The following DLAT variants were observed in gnomAD, a reference collection of about 807,000 sequenced individuals.
DLAT encodes dihydrolipoamide S-acetyltransferase.
In DLAT, 43 loss-of-function variants were observed where a neutral mutation model predicts 68.0. The observed-to-expected ratio is 0.63, with a 90% CI of 0.50 to 0.81. DLAT has a LOEUF of 0.81. Among genes scored for constraint, DLAT ranks in the 40% least tolerant of loss-of-function variants. DLAT has a pLI of 0.00. For missense variants in DLAT, 745 were observed against 815.4 expected, an observed-to-expected ratio of 0.91 and a Z score of 1.05; for synonymous variants, 265 against 288.6, an observed-to-expected ratio of 0.92 and a Z score of 0.83.
At chr11:112,048,501 A>G (rs781990255) in intron 10 of DLAT, among the ~76,000 whole-genome samples, 10 of 152,222 alleles carry the variant, frequency 6.6e-5, no homozygotes, top group Middle Eastern at 3.4e-3. Context: ...TTCCAATACT[A>G]TGCTGAATAG....
rs781873805 is a variant in DLAT, at chr11:112,026,234, G to C, written c.316G>C (p.Gly106Arg). The C allele has an allele frequency of 1.9e-6, 3 of 1,612,154 alleles. No individual in the cohort carries two copies. The highest frequency in any genetic ancestry group is 2.2e-5 in the South Asian group (2 of 90,764). Reference sequence around the variant, plus strand: ...TTCTCTTTCCCCCACAATGCAGGCAGGCACCATAGCCCGTTGGGAAAAAAA... The same window carrying C: ...TTCTCTTTCCCCCACAATGCAGGCACGCACCATAGCCCGTTGGGAAAAAAA... ...LPSLSPTMQA[G>R]TIARWEKKEG... Residue 106 changes from glycine to arginine, a missense_variant, in exon 2 of 14, where the codon GGC (glycine) becomes CGC (arginine). Physicochemically the swap from Gly to Arg is moderately radical, Grantham distance 125. Coordinates refer to ENST00000280346, the MANE Select transcript of DLAT (RefSeq NM_001931.5).
Position 112,033,429 on chromosome 11 carries a change from C to T in DLAT, c.686C>T (p.Thr229Ile), listed in dbSNP as rs782299982. 6.8e-6 allele frequency: 11 copies of T among 1,613,860 alleles called. No individual in the cohort carries two copies. In the South Asian group the frequency reaches 1.2e-4, roughly 18 times the overall value. The change falls in exon 5 of 14, where the codon ACC becomes ATC. Residue 229 changes from threonine (T) to isoleucine (I), a missense_variant. By Grantham distance (89) the Thr-to-Ile change is moderately conservative (BLOSUM62 -1). Transcript: ENST00000280346. ...MQVLLPALSP[T>I]MTMGTVQRWE... The stretch of plus-strand genomic sequence containing the variant: ...GTACTTCTTCCTGCCCTCTCTCCCA[C>T]CATGACCATGGGCACAGTTCAGAGA...
intron 13 of DLAT, chr11:112,061,412 C>T: frequency 2.0e-6 from 1 of 500,302 alleles, no homozygotes; most frequent in Non-Finnish European, 3.6e-6. Context: ...TCACATGGAT[C>T]CAGTGTAGTG....
chr11:112,040,142 GA>G (rs1337813610), intron 7 of DLAT, among the ~76,000 whole-genome samples: 1 of 152,122 alleles, frequency 6.6e-6, no homozygotes, highest in African/African-American at 2.4e-5. Context: ...CATTCATATT[GA>G]TATTACTGCC....
In DLAT at chr11:112,045,733, T is replaced by C. The variant is rs374494492; in HGVS notation, c.1291-130T>C. 5.4e-5 allele frequency: 35 copies of C among 648,122 alleles called. No homozygotes were observed. The African/African-American group carries it at 5.7e-4, about 11-fold the overall frequency. 40.1% of individuals were successfully genotyped at this position (648,122 alleles called of 1,614,324 possible). On this transcript the variant is annotated intron_variant, in intron 9 of 13. Transcript: ENST00000280346. ...GAGGTGTTATATTATGGCGGAGTCCTCCATCTTTCAATTATAATAATGCTT... is the reference window on the plus strand; with the variant it reads ...GAGGTGTTATATTATGGCGGAGTCCCCCATCTTTCAATTATAATAATGCTT...
In DLAT at chr11:112,048,969, A is replaced by ATTT. The variant is rs34651095; in HGVS notation, c.1399-2240_1399-2238dup. On this transcript the variant is annotated intron_variant, in intron 10 of 13. Transcript: ENST00000280346. ...GTCATCTTTGTTCTTTTTTCTCAAG[A>ATTT]TTTTTTTTTTTTTTTTTTTTTTTTT... Among the ~76,000 whole-genome samples, 25 of 93,670 alleles carry ATTT rather than the reference A, an allele frequency of 2.7e-4. No homozygotes were observed. The South Asian group carries it at 9.3e-3, about 35-fold the overall frequency. 61.5% of individuals were successfully genotyped at this position (93,670 alleles called of 152,430 possible).
chr11:112,048,629 G>A (rs782094079), intron 10 of DLAT, among the ~76,000 whole-genome samples: 12 of 152,050 alleles, frequency 7.9e-5, no homozygotes, highest in Non-Finnish European at 4.4e-5. Flanking sequence ...CACCTTCCAG[G>A]TTCAAGCAAT....
rs782632175 is a variant in DLAT, at chr11:112,051,312, G to A, written c.1477G>A (p.Glu493Lys). The A allele has an allele frequency of 1.2e-5, 20 of 1,613,488 alleles. No homozygotes were observed. The highest frequency in any genetic ancestry group is 1.7e-5 in the Admixed American group (1 of 59,988). Residue 493 changes from glutamate to lysine, a missense_variant, in exon 11 of 14, where the codon GAA becomes AAA. Transcript: ENST00000280346. The surrounding 1 kb of genome is among the most constrained non-coding windows in gnomAD (Gnocchi z 4.3). The stretch of plus-strand genomic sequence containing the variant: ...AGCTTTGGCATGTTTAAAAGTTCCC[G>A]AAGCAAATTCTTCTTGGATGGACAC... Reference protein sequence around the residue: ...ASALACLKVPEANSSWMDTVI... With the variant: ...ASALACLKVPKANSSWMDTVI...
intron 5 of DLAT, 120 bp from the exon 6 acceptor site, chr11:112,037,153 G>A: frequency 1.1e-6 from 1 of 873,770 alleles, no homozygotes; most frequent in Non-Finnish European, 1.9e-6. Context: ...TAAATAGGTT[G>A]CAAAAAAGGC....
Position 112,064,224 on chromosome 11 carries a change from T to C in DLAT, c.*1689T>C, listed in dbSNP as rs1864813238. The C allele has an allele frequency of 2.6e-6, 4 of 1,556,584 alleles. No homozygotes were observed. The highest frequency in any genetic ancestry group is 3.5e-6 in the Non-Finnish European group (4 of 1,153,904). The stretch of plus-strand genomic sequence containing the variant: ...AATGCTTGTGGTTCTGTTGTTCCCT[T>C]GAAAAAAAATAAAAACAGTTGCCTT... On this transcript the variant is annotated 3_prime_UTR_variant, in exon 14 of 14. Transcript: ENST00000280346.
Position 112,025,521 on chromosome 11 carries a change from G to A in DLAT, c.49G>A (p.Gly17Arg). 6.2e-7 allele frequency: 1 copy of A among 1,614,020 alleles called. No individual in the cohort carries two copies. The highest frequency in any genetic ancestry group is 1.3e-5 in the African/African-American group (1 of 75,050). The part of the protein sequence containing the change: ...RRAQNVAPWA[G>R]LEARWTALQE... ...GGCTCAGAATGTAGCCCCATGGGCG[G>A]GACTCGAGGCTCGGTGGACGGCCTT... Residue 17 changes from glycine to arginine, a missense_variant, in exon 1 of 14, where the codon GGA becomes AGA. Coordinates refer to ENST00000280346, the MANE Select transcript of DLAT (RefSeq NM_001931.5).
intron 2 of DLAT, among the ~76,000 whole-genome samples, chr11:112,027,933 C>CCGTGG (rs1239632429): frequency 6.8e-6 from 1 of 147,812 alleles, no homozygotes; most frequent in African/African-American, 2.5e-5. Context: ...GAGAGGGAGA[C>CCGTGG]GGAGAGGGAG....
intron 9 of DLAT, 127 bp downstream of exon 9, chr11:112,045,357 G>T (rs1488308793): frequency 4.7e-6 from 4 of 846,762 alleles, no homozygotes; most frequent in Non-Finnish European, 7.8e-6. Flanking sequence ...TTACTTTAAG[G>T]GAAGTTTTGG....
chr11:112,030,252 G>A, intron 4 of DLAT: 1 of 573,476 alleles, frequency 1.7e-6, no homozygotes, highest in East Asian at 4.6e-5. Context: ...GTTCTCGGTC[G>A]TCTTAGGCAC....
chr11:112,059,879 A>G lies in DLAT; in HGVS notation c.1515-24A>G, dbSNP rs781864107. ...GGCTCTTAATAAACAGTTTTTTATT[A>G]TATTTATTTTTCTTTTTAAACAGAA... On this transcript the variant is annotated intron_variant, in intron 11 of 13. Coordinates refer to ENST00000280346, the MANE Select transcript of DLAT (RefSeq NM_001931.5). 4.5e-6 allele frequency: 7 copies of G among 1,542,862 alleles called. No individual in the cohort carries two copies. The East Asian group carries it at 1.5e-4, about 33-fold the overall frequency.
intron 4 of DLAT, 37 bp downstream of exon 4, chr11:112,028,982 T>A: frequency 6.2e-7 from 1 of 1,612,372 alleles, no homozygotes; most frequent in South Asian, 1.1e-5. Context: ...TCTAGGTGAT[T>A]ACTTACTTAC....
At position 112,025,481 on chromosome 11, in the gene DLAT, C is replaced by T. The variant is rs782794450; in HGVS notation, c.9C>T (p.Arg3=). 1.7e-5 allele frequency: 27 copies of T among 1,612,694 alleles called. No homozygotes were observed. Among genetic ancestry groups the T allele is most frequent in the Non-Finnish European group, 2.2e-5 (26 of 1,179,798 alleles). ...GGGGGGTTGGTGGCACTATGTGGCG[C>T]GTCTGTGCGCGACGGGCTCAGAATG... MW[R]VCARRAQNVA... is the part of the protein sequence containing the mutation. Residue 3 remains arginine, a synonymous_variant, in exon 1 of 14, where the codon CGC becomes CGT. Coordinates refer to ENST00000280346, the MANE Select transcript of DLAT (RefSeq NM_001931.5).
intron 13 of DLAT, 26 bp from the exon 14 acceptor site, chr11:112,062,380 T>A (rs1555183353): frequency 1.2e-6 from 2 of 1,611,834 alleles, no homozygotes; most frequent in Admixed American, 3.3e-5. Flanking sequence ...TTTCAGAATA[T>A]CTAAAATGTC....
At chr11:112,027,184 G>C (rs1455066601) in intron 2 of DLAT, among the ~76,000 whole-genome samples, 9 of 150,792 alleles carry the variant, frequency 6.0e-5, no homozygotes, top group African/African-American at 2.2e-4. Flanking sequence ...CTTCTCAGAC[G>C]GGGCGGTTGC....
Sources: gnomAD v4.1 joint callset for allele counts (sites outside exome capture counted in the v4.1 genomes callset) on GRCh38, gnomAD v4.1.1 for gene constraint, Gnocchi (gnomAD v3.1) non-coding constraint, MANE v1.5 for transcripts, NCBI Gene and HGNC (gene_info 2026-07-23, HGNC 2026-07-21) for gene names.